The following PHLPP1 variants were observed in gnomAD, a reference collection of about 807,000 sequenced individuals.
The protein encoded by PHLPP1 is PH domain and leucine rich repeat protein phosphatase 1.
Under a neutral mutation model 117.2 loss-of-function variants are expected in PHLPP1, and 42 were observed. That is an observed-to-expected ratio of 0.36 (90% CI 0.28 to 0.46). PHLPP1 has a LOEUF of 0.46. Ranked by LOEUF, PHLPP1 falls within the 20% of genes least tolerant of loss-of-function variation. The pLI, the probability that PHLPP1 is intolerant of heterozygous loss-of-function variation, is 1.00. For missense variants in PHLPP1, 2,084 were observed against 2,241.9 expected, an observed-to-expected ratio of 0.93 and a Z score of 1.42; for synonymous variants, 1,042 against 970.7, an observed-to-expected ratio of 1.07 and a Z score of -1.37.
chr18:62,806,107 C>T (rs553784767), intron 1 of PHLPP1, among the ~76,000 whole-genome samples: 107 of 152,008 alleles, frequency 7.0e-4, no homozygotes, highest in African/African-American at 2.4e-3. Context: ...AAAACTCAAA[C>T]TGAAGAATTT....
chr18:62,838,734 G>A, intron 2 of PHLPP1, 50 bp from the exon 3 acceptor site: 1 of 1,599,642 alleles, frequency 6.3e-7, no homozygotes, highest in South Asian at 1.1e-5. Flanking sequence ...AAATACATCA[G>A]TGGTTCTGCT....
rs1911078929 is a variant in PHLPP1 at position 62,972,506 on chromosome 18, C to T, written c.3561-8C>T. On this transcript the variant is annotated splice_region_variant and splice_polypyrimidine_tract_variant and intron_variant, in intron 14 of 16. Coordinates refer to ENST00000262719, the MANE Select transcript of PHLPP1 (RefSeq NM_194449.4). ...TGGACTCAGCACAGAAGTGTGGTTG[C>T]CTTGCAGGTTGTGTGTCGCAGCCCT... is the stretch of plus-strand genomic sequence containing the variant. The T allele has an allele frequency of 1.9e-6, 3 of 1,610,764 alleles. No homozygotes were observed. Among genetic ancestry groups the T allele is most frequent in the Non-Finnish European group, 2.5e-6 (3 of 1,179,006 alleles).
intron 3 of PHLPP1, among the ~76,000 whole-genome samples, chr18:62,840,178 T>C (rs749130318): frequency 3.0e-4 from 45 of 152,216 alleles, no homozygotes; most frequent in Non-Finnish European, 3.1e-4. Context: ...AAAATCATTT[T>C]GAAATACTGG....
chr18:62,774,599 T>G (rs9962085), intron 1 of PHLPP1, among the ~76,000 whole-genome samples: 2,894 of 152,304 alleles, frequency 0.019, 77 homozygotes, highest in African/African-American at 0.065. Context: ...ACACTTAAAA[T>G]TGCAGTAAAT....
intron 1 of PHLPP1, among the ~76,000 whole-genome samples, chr18:62,793,453 C>T (rs990189792): frequency 2.0e-5 from 3 of 152,186 alleles, no homozygotes; most frequent in Admixed American, 2.0e-4. Context: ...ACTTGATCTA[C>T]TTATAGTTTA....
At position 62,739,828 on chromosome 18, in the gene PHLPP1, G is replaced by A. The variant is rs753912764; in HGVS notation, c.1576+22569G>A. Among the ~76,000 whole-genome samples, 95 of 152,260 alleles carry A rather than the reference G, an allele frequency of 6.2e-4. No individual in the cohort carries two copies. In the Middle Eastern group the frequency reaches 0.01, roughly 16 times the overall value. On this transcript the variant is annotated intron_variant, in intron 1 of 16. Transcript: ENST00000262719. ...TGGCCTCAGTTTTCTTAGTGAATTAGAAGGTAAAGAAGAGTCACATCTCAA... is the reference window on the plus strand; with the variant it reads ...TGGCCTCAGTTTTCTTAGTGAATTAAAAGGTAAAGAAGAGTCACATCTCAA...
At chr18:62,952,020 A>ACTG (rs1910475932) in intron 12 of PHLPP1, among the ~76,000 whole-genome samples, 1 of 151,788 alleles carries the variant, frequency 6.6e-6, no homozygotes, top group South Asian at 2.1e-4. Context: ...GGGTTTTGCC[A>ACTG]TGTTAGCCAG....
intron 3 of PHLPP1, among the ~76,000 whole-genome samples, chr18:62,853,805 G>A (rs915718713): frequency 6.6e-6 from 1 of 152,182 alleles, no homozygotes; most frequent in African/African-American, 2.4e-5. Context: ...GCTCAACGAC[G>A]AGAGCATTGG....
intron 1 of PHLPP1, among the ~76,000 whole-genome samples, chr18:62,803,849 G>A (rs555658854): frequency 1.3e-5 from 2 of 152,102 alleles, no homozygotes; most frequent in East Asian, 1.9e-4. Context: ...CCTTGTCAAC[G>A]TTTGCTATTG....
chr18:62,962,839 G>A (rs762849537), intron 13 of PHLPP1, among the ~76,000 whole-genome samples: 50 of 152,180 alleles, frequency 3.3e-4, no homozygotes, highest in Non-Finnish European at 6.8e-4. Flanking sequence ...ATACCCGTGA[G>A]GAGAGTATTG....
chr18:62,977,366 G>T (rs1212518111), intron 16 of PHLPP1, among the ~76,000 whole-genome samples: 2 of 146,750 alleles, frequency 1.4e-5, no homozygotes, highest in African/African-American at 2.5e-5. Flanking sequence ...GCATGTAGAG[G>T]TATGTCATGG....
intron 1 of PHLPP1, among the ~76,000 whole-genome samples, chr18:62,814,808 A>C (rs1355782805): frequency 6.6e-6 from 1 of 152,218 alleles, no homozygotes; most frequent in African/African-American, 2.4e-5. Context: ...AGATTTATAC[A>C]AAGTCCTATA....
At position 62,979,183 on chromosome 18, in the gene PHLPP1, G is replaced by T; in HGVS notation, c.4906G>T (p.Val1636Leu). 6.2e-7 allele frequency: 1 copy of T among 1,613,718 alleles called. No homozygotes were observed. The highest frequency in any genetic ancestry group is 8.5e-7 in the Non-Finnish European group (1 of 1,179,744). ...TGCGCCCCAGGAAAGGAGCCACAAT[G>T]TGATAGAGGTGGCTACAGACGCACC... ...SVAPQERSHN[V>L]IEVATDAPLR... Residue 1636 changes from valine to leucine, a missense_variant, in exon 17 of 17, where the codon GTG becomes TTG. This residue lies in a region of PHLPP1 where 1,365 missense variants were observed against 1,605.9 expected (regional missense o/e 0.85). Transcript: ENST00000262719.
At chr18:62,883,047 A>C (rs1261079612) in intron 4 of PHLPP1, among the ~76,000 whole-genome samples, 1 of 151,998 alleles carries the variant, frequency 6.6e-6, no homozygotes, top group East Asian at 1.9e-4. Context: ...TCCATCTAAC[A>C]TTTCTTGTAA....
chr18:62,787,118 A>T (rs961204371), intron 1 of PHLPP1, among the ~76,000 whole-genome samples: 5 of 152,162 alleles, frequency 3.3e-5, no homozygotes, highest in African/African-American at 1.2e-4. Flanking sequence ...GGAATTTTAG[A>T]TTCCAGAGAA....
intron 6 of PHLPP1, among the ~76,000 whole-genome samples, chr18:62,901,379 G>A (rs979280522): frequency 6.6e-6 from 1 of 151,802 alleles, no homozygotes; most frequent in Non-Finnish European, 1.5e-5. Context: ...CTTACAACCT[G>A]GAATAAAAAA....
At chr18:62,941,585 T>C in intron 10 of PHLPP1, 133 bp from the exon 11 acceptor site, 1 of 649,066 alleles carries the variant, frequency 1.5e-6, no homozygotes, top group South Asian at 2.0e-5. Context: ...ATTGAACTCC[T>C]TGAAGCCAGG....
chr18:62,952,840 TCG>T (rs1236700411), intron 12 of PHLPP1, among the ~76,000 whole-genome samples: 2 of 152,140 alleles, frequency 1.3e-5, no homozygotes, highest in African/African-American at 4.8e-5. Flanking sequence ...CAGGTGGATC[TCG>T]AACTCCTGGC....
chr18:62,955,850 T>C lies in PHLPP1; in HGVS notation c.3325-2779T>C, dbSNP rs560589031. Among the ~76,000 whole-genome samples, 17 of 152,300 alleles carry C rather than the reference T, an allele frequency of 1.1e-4. No homozygotes were observed. In the South Asian group the frequency reaches 3.5e-3, roughly 32 times the overall value. On this transcript the variant is annotated intron_variant, in intron 12 of 16. Transcript: ENST00000262719. ...TTGCATCCTAAATTACTCACACTTA[T>C]TAGCTCTTTATTTCCTGTCCCATCA...
Sources: gnomAD v4.1 joint callset for allele counts (sites outside exome capture counted in the v4.1 genomes callset) on GRCh38, gnomAD v4.1.1 for gene constraint, gnomAD v4.1.1 regional missense constraint, MANE v1.5 for transcripts, NCBI Gene and HGNC (gene_info 2026-07-23, HGNC 2026-07-21) for gene names.